The following SAP130 variants were observed in gnomAD, a reference collection of about 807,000 sequenced individuals.
SAP130 encodes histone deacetylase complex subunit SAP130.
In SAP130, 16 loss-of-function variants were observed where a neutral mutation model predicts 103.2. That is an observed-to-expected ratio of 0.16 (90% CI 0.10 to 0.24). The LOEUF (loss-of-function observed/expected upper bound fraction) is 0.24, where lower values mean the gene tolerates loss of function less well. SAP130 is among the 10% of genes least tolerant of loss of function. The pLI is 1.00. For synonymous variants in SAP130, 477 were observed against 497.0 expected (o/e 0.96, Z 0.53); for missense variants, 990 against 1,359.7 (o/e 0.73, Z 4.28).
Position 128,016,418 on chromosome 2 carries a change from T to C in SAP130, c.478A>G (p.Ile160Val). 1 of 1,613,456 alleles carries C rather than the reference T, an allele frequency of 6.2e-7. No homozygotes were observed. The highest frequency in any genetic ancestry group is 8.5e-7 in the Non-Finnish European group (1 of 1,179,760). Reference sequence around the variant, plus strand: ...TGTCCACTGATTGTTGCCACAGGAATGGCTGAAGCTTGAGGGATGCTACTC... The same window carrying C: ...TGTCCACTGATTGTTGCCACAGGAACGGCTGAAGCTTGAGGGATGCTACTC... Reference protein sequence around the residue: ...MESSIPQASAIPVATISGQQG... With the variant: ...MESSIPQASAVPVATISGQQG... The change falls in exon 4 of 21, where the codon ATT becomes GTT. Residue 160 changes from isoleucine (I) to valine (V), a missense_variant. Ile to Val is a conservative substitution (Grantham distance 29). Transcript: ENST00000643581.
intron 11 of SAP130, 93 bp from the exon 12 acceptor site, chr2:127,993,401 G>T (rs761907556): frequency 3.0e-6 from 4 of 1,335,178 alleles, no homozygotes; most frequent in Non-Finnish European, 4.0e-6. Context: ...GTGTCCTTCA[G>T]AACTGTCAAA....
intron 18 of SAP130, among the ~76,000 whole-genome samples, chr2:127,948,828 ATAGTTTT>A (rs1246078604): frequency 6.6e-6 from 1 of 152,168 alleles, no homozygotes; most frequent in Non-Finnish European, 1.5e-5. Context: ...CTTTCTTGAG[ATAGTTTT>A]TGAAGAGCGA....
intron 7 of SAP130, among the ~76,000 whole-genome samples, chr2:128,008,001 G>A (rs1333441473): frequency 2.0e-5 from 3 of 152,016 alleles, no homozygotes; most frequent in Admixed American, 6.5e-5. Context: ...TCATTTACTC[G>A]GACAAGTAAG....
intron 7 of SAP130, among the ~76,000 whole-genome samples, chr2:128,001,517 G>A (rs1683559566): frequency 6.6e-6 from 1 of 152,192 alleles, no homozygotes; most frequent in Non-Finnish European, 1.5e-5. Context: ...AATAGCAAGA[G>A]GTTAATTTGT....
chr2:127,989,671 G>C lies in SAP130; in HGVS notation c.1673C>G (p.Ala558Gly). 1 of 1,614,192 alleles carries C rather than the reference G, an allele frequency of 6.2e-7. No individual in the cohort carries two copies. ...GTGAATTCCCTGTGTGCCAAGTGGT[G>C]CAGGCTGTATCCCTGGGGTCCCAAT... ...APIGTPGIQP[A>G]PLGTQGIHSA... Residue 558 changes from alanine to glycine, a missense_variant, in exon 13 of 21, where the codon GCA (alanine) becomes GGA (glycine). Around this residue, in one of 6 missense-constraint regions of SAP130, gnomAD observed 349 missense variants for 384.1 expected, o/e 0.91. Transcript: ENST00000643581. This position sits in a 1 kb window ranked among gnomAD's most constrained non-coding sequence, Gnocchi z 4.6.
intron 2 of SAP130, among the ~76,000 whole-genome samples, chr2:128,018,482 C>T (rs1167891852): frequency 3.5e-5 from 2 of 57,230 alleles, no homozygotes; most frequent in African/African-American, 3.7e-4. Flanking sequence ...AAGATTGTCT[C>T]CAAAAAAAAA....
intron 13 of SAP130, among the ~76,000 whole-genome samples, chr2:127,987,790 A>G (rs1301104505): frequency 6.6e-6 from 1 of 152,152 alleles, no homozygotes; most frequent in African/African-American, 2.4e-5. Context: ...TCAACCCTCA[A>G]TAATGGTACC....
At chr2:128,003,754 T>C (rs552317746) in intron 7 of SAP130, among the ~76,000 whole-genome samples, 5 of 152,006 alleles carry the variant, frequency 3.3e-5, no homozygotes, top group Non-Finnish European at 7.4e-5. Context: ...AGGTTGAGTA[T>C]ACCTTATCTA....
chr2:127,998,461 A>G (rs1465137994), intron 10 of SAP130, among the ~76,000 whole-genome samples: 1 of 152,186 alleles, frequency 6.6e-6, no homozygotes, highest in Non-Finnish European at 1.5e-5. Context: ...CACTTAGGTG[A>G]TTTTAATATG....
chr2:128,014,767 A>G, intron 5 of SAP130, 36 bp downstream of exon 5: 1 of 1,437,000 alleles, frequency 7.0e-7, no homozygotes, highest in East Asian at 2.3e-5. Flanking sequence ...CTACTACTAC[A>G]TTTTGAGAGT....
At chr2:128,018,328 AAAAC>A (rs1452360895) in intron 2 of SAP130, among the ~76,000 whole-genome samples, 1 of 148,120 alleles carries the variant, frequency 6.8e-6, no homozygotes, top group South Asian at 2.1e-4. Context: ...AAAAAAAAAA[AAAAC>A]AAACCAAAAA....
Position 128,005,264 on chromosome 2 carries a change from G to A in SAP130, c.870-4810C>T, listed in dbSNP as rs138424592. Reference sequence around the variant, plus strand: ...CATGAGAGACAATGCTGAAAATGCAGTCAAGGGCGGAGAAGAGTATGAAAG... The same window carrying A: ...CATGAGAGACAATGCTGAAAATGCAATCAAGGGCGGAGAAGAGTATGAAAG... On this transcript the variant is annotated intron_variant, in intron 7 of 20. Transcript: ENST00000643581. Among the ~76,000 whole-genome samples the A allele has an allele frequency of 1.4e-3, 216 of 152,282 alleles. 1 individual carries two copies. The highest frequency in any genetic ancestry group is 1.5e-3 in the Non-Finnish European group (100 of 68,022).
chr2:127,963,368 C>G (rs1680396290), intron 15 of SAP130, among the ~76,000 whole-genome samples: 3 of 152,030 alleles, frequency 2.0e-5, no homozygotes, highest in Non-Finnish European at 2.9e-5. Flanking sequence ...TAGCCAGGAC[C>G]ACAGGTGCGT....
intron 17 of SAP130, 78 bp from the exon 18 acceptor site, chr2:127,950,072 G>A (rs533253811): frequency 1.9e-6 from 3 of 1,605,316 alleles, no homozygotes; most frequent in South Asian, 2.2e-5. Flanking sequence ...AGTGAGGTAC[G>A]AGTGAGGCTG....
In SAP130 at chr2:128,017,850, G is replaced by A. The variant is rs758068465; in HGVS notation, c.178C>T (p.Leu60Phe). The change falls in exon 3 of 21, where the codon CTC becomes TTC. Residue 60 changes from leucine to phenylalanine, a missense_variant. Physicochemically the swap from Leu to Phe is conservative, Grantham distance 22. Around this residue, in one of 6 missense-constraint regions of SAP130, gnomAD observed 167 missense variants for 187.4 expected, o/e 0.89. Transcript: ENST00000643581. ...AREHMSSSSS[L>F]QSREEKQEPV... ...TCTTGCTTCTCCTCCCGGGACTGGA[G>A]GGAGCTGCTGGAACTCATGTGCTCC... The A allele has an allele frequency of 6.2e-7, 1 of 1,614,220 alleles. No individual in the cohort carries two copies. Among genetic ancestry groups the A allele is most frequent in the Non-Finnish European group, 8.5e-7 (1 of 1,180,048 alleles).
rs375544247 is a variant in SAP130, at chr2:128,006,252, T to C, written c.869+4017A>G. On this transcript the variant is annotated intron_variant, in intron 7 of 20. Coordinates refer to ENST00000643581, the MANE Select transcript of SAP130 (RefSeq NM_001330301.2). Reference sequence around the variant, plus strand: ...ATTCTCAGCACGTAAACTTTCAAAATATTGGTGCTTTAAATTTTGCCCTTT... The same window carrying C: ...ATTCTCAGCACGTAAACTTTCAAAACATTGGTGCTTTAAATTTTGCCCTTT... Among the ~76,000 whole-genome samples, 123 of 152,328 alleles carry C rather than the reference T, an allele frequency of 8.1e-4. No individual in the cohort carries two copies. In the East Asian group the frequency reaches 0.018, roughly 23 times the overall value.
intron 15 of SAP130, among the ~76,000 whole-genome samples, chr2:127,956,702 T>TAAAAAA (rs55931869): frequency 1.8e-5 from 2 of 111,264 alleles, no homozygotes; most frequent in African/African-American, 3.2e-5. Context: ...TAAAGTATAA[T>TAAAAAA]AAAAAAAAAA....
intron 2 of SAP130, 87 bp from the exon 3 acceptor site, chr2:128,018,002 AT>A: frequency 9.1e-7 from 1 of 1,093,772 alleles, no homozygotes; most frequent in Non-Finnish European, 1.3e-6. Flanking sequence ...CTGAAGTTAA[AT>A]CTCAGGATTG....
At chr2:127,984,196 G>C (rs184870137) in intron 14 of SAP130, among the ~76,000 whole-genome samples, 2 of 151,970 alleles carry the variant, frequency 1.3e-5, no homozygotes, top group East Asian at 3.9e-4. Flanking sequence ...TTTCAGGACC[G>C]GTTCTTTTCT....
Sources: gnomAD v4.1 joint callset for allele counts (sites outside exome capture counted in the v4.1 genomes callset) on GRCh38, gnomAD v4.1.1 for gene constraint, gnomAD v4.1.1 regional missense constraint, Gnocchi (gnomAD v3.1) non-coding constraint, MANE v1.5 for transcripts, NCBI Gene and HGNC (gene_info 2026-07-23, HGNC 2026-07-21) for gene names.